Variants in DAB1 observed in about 807,000 individuals in gnomAD.
DAB1 encodes disabled homolog 1.
Under a neutral mutation model 64.6 loss-of-function variants are expected in DAB1, and 15 were observed. The observed-to-expected ratio is 0.23, with a 90% CI of 0.16 to 0.36. The LOEUF (loss-of-function observed/expected upper bound fraction) is 0.36, where lower values mean the gene tolerates loss of function less well. Ranked by LOEUF, DAB1 falls within the 10% of genes least tolerant of loss-of-function variation. The probability of loss-of-function intolerance (pLI) is 1.00; values close to 1 mark genes in which losing one functional copy is unlikely to be tolerated. For missense variants in DAB1, 596 were observed against 706.7 expected, an observed-to-expected ratio of 0.84 and a Z score of 1.78; for synonymous variants, 235 against 251.9, an observed-to-expected ratio of 0.93 and a Z score of 0.64.
chr1:58,428,923 G>A (rs915347244), intron 3 of DAB1, among the ~76,000 whole-genome samples: 10 of 152,208 alleles, frequency 6.6e-5, no homozygotes, highest in Non-Finnish European at 1.0e-4. Context: ...CCCTATGGGA[G>A]GGGTGCTGCT....
chr1:57,651,596 A>C (rs1357863357), intron 6 of DAB1, among the ~76,000 whole-genome samples: 2 of 152,142 alleles, frequency 1.3e-5, no homozygotes, highest in African/African-American at 4.8e-5. Flanking sequence ...GACCTCTCTA[A>C]GCCTCAGTTT....
At chr1:57,364,353 A>G (rs1378660477) in intron 1 of DAB1, among the ~76,000 whole-genome samples, 1 of 152,168 alleles carries the variant, frequency 6.6e-6, no homozygotes, top group Non-Finnish European at 1.5e-5. Context: ...ATTAAACAAA[A>G]CACTGTCAGA....
chr1:57,975,043 C>A (rs549719576), intron 5 of DAB1, among the ~76,000 whole-genome samples: 1 of 152,218 alleles, frequency 6.6e-6, no homozygotes, highest in Non-Finnish European at 1.5e-5. Flanking sequence ...GAAATCTTAA[C>A]CCCCAATATG....
chr1:57,204,758 T>C (rs539461011), intron 2 of DAB1, among the ~76,000 whole-genome samples: 2 of 152,336 alleles, frequency 1.3e-5, no homozygotes, highest in South Asian at 4.1e-4. Flanking sequence ...ACAACAAATA[T>C]AAGGTGAATT....
intron 6 of DAB1, among the ~76,000 whole-genome samples, chr1:57,701,996 T>C (rs1646913829): frequency 6.6e-6 from 1 of 152,198 alleles, no homozygotes; most frequent in Admixed American, 6.6e-5. Context: ...CTCGTTAGAG[T>C]TGGTCAATGG....
intron 6 of DAB1, among the ~76,000 whole-genome samples, chr1:57,792,967 G>C (rs1260960588): frequency 6.6e-6 from 1 of 152,194 alleles, no homozygotes; most frequent in East Asian, 1.9e-4. Context: ...TGTTACGCAT[G>C]ATTTTAAATA....
chr1:58,213,918 C>A (rs1270093697), intron 4 of DAB1, among the ~76,000 whole-genome samples: 3 of 152,148 alleles, frequency 2.0e-5, no homozygotes, highest in African/African-American at 7.2e-5. Context: ...TTAGGCCAAG[C>A]CATATCATCT....
At chr1:58,196,857 G>C (rs1270942735) in intron 4 of DAB1, among the ~76,000 whole-genome samples, 1 of 152,124 alleles carries the variant, frequency 6.6e-6, no homozygotes, top group Non-Finnish European at 1.5e-5. Flanking sequence ...GATTTGGGTG[G>C]GGACAAAGAG....
At chr1:57,524,655 A>G (rs566099390) in intron 7 of DAB1, among the ~76,000 whole-genome samples, 184 of 152,374 alleles carry the variant, frequency 1.2e-3, no homozygotes, top group Non-Finnish European at 1.4e-3. Flanking sequence ...GAAATTATAA[A>G]GAACCTTCTT....
chr1:58,025,228 A>G (rs1376296247), intron 5 of DAB1, among the ~76,000 whole-genome samples: 3 of 151,972 alleles, frequency 2.0e-5, no homozygotes, highest in Admixed American at 6.6e-5. Flanking sequence ...TCTAAATACA[A>G]TATCTTATGT....
rs1288138040 is a variant in DAB1 at position 56,996,322 on chromosome 1, C to A, written c.*1822G>T. On this transcript the variant is annotated 3_prime_UTR_variant, in exon 15 of 15. Coordinates refer to ENST00000371236, the MANE Select transcript of DAB1 (RefSeq NM_001365792.1). ...TAATCACATGAATCTTTAAAGTTTT[C>A]TTCTTAGTGTTAAAACACTTTCAAC... 6.6e-6 allele frequency: 1 copy of A among 152,104 alleles called. No individual in the cohort carries two copies. The highest frequency in any genetic ancestry group is 1.5e-5 in the Non-Finnish European group (1 of 68,028). 9.4% of individuals were successfully genotyped at this position (152,104 alleles called of 1,614,324 possible). A position where few individuals can be genotyped will look rare whatever the true frequency, so the allele number is the denominator to read the frequency against.
intron 4 of DAB1, among the ~76,000 whole-genome samples, chr1:58,310,670 AC>A (rs562174483): frequency 3.6e-4 from 55 of 151,900 alleles, no homozygotes; most frequent in Non-Finnish European, 5.6e-4. Flanking sequence ...GCCCATGGGG[AC>A]TCCGCTTATT....
intron 1 of DAB1, among the ~76,000 whole-genome samples, chr1:57,319,604 T>C (rs894979010): frequency 1.2e-4 from 18 of 152,286 alleles, no homozygotes; most frequent in Non-Finnish European, 1.8e-4. Context: ...TTTTCATTAG[T>C]GCATTGACAT....
At chr1:58,406,723 C>A (rs1016124011) in intron 3 of DAB1, among the ~76,000 whole-genome samples, 1 of 146,040 alleles carries the variant, frequency 6.8e-6, no homozygotes, top group African/African-American at 2.6e-5. Context: ...CCCCCCCCAA[C>A]TGCCACCATC....
At chr1:58,511,999 C>T (rs2100429425) in intron 2 of DAB1, among the ~76,000 whole-genome samples, 1 of 152,122 alleles carries the variant, frequency 6.6e-6, no homozygotes, top group African/African-American at 2.4e-5. Flanking sequence ...CATTTGTATA[C>T]CAAATAACTG....
rs191581775 is a variant in DAB1, at chr1:57,590,917, C to T, written n.625+58675G>A. Among the ~76,000 whole-genome samples the T allele has an allele frequency of 1.4e-3, 212 of 152,228 alleles. 1 individual carries two copies. Among genetic ancestry groups the T allele is most frequent in the African/African-American group, 4.5e-3 (185 of 41,536 alleles). ...TCTCATCCTAGATTCTGTTTTCTAA[C>T]CTGAATTTTCCATTTATGCAAAATT... is the stretch of plus-strand genomic sequence containing the variant. On this transcript the variant is annotated intron_variant and non_coding_transcript_variant, in intron 7 of 20. Coordinates refer to the DAB1 transcript ENST00000485760.
At chr1:58,095,554 T>A (rs1650927549) in intron 5 of DAB1, among the ~76,000 whole-genome samples, 1 of 152,174 alleles carries the variant, frequency 6.6e-6, no homozygotes, top group South Asian at 2.1e-4. Flanking sequence ...TATAATTTCC[T>A]GGAGGGCTGG....
intron 6 of DAB1, among the ~76,000 whole-genome samples, chr1:57,709,682 C>T (rs1647005099): frequency 6.6e-6 from 1 of 152,060 alleles, no homozygotes; most frequent in South Asian, 2.1e-4. Context: ...TATAGATGAG[C>T]TTGAGGAGGT....
chr1:58,017,871 T>C (rs956288455), intron 5 of DAB1, among the ~76,000 whole-genome samples: 4 of 152,196 alleles, frequency 2.6e-5, no homozygotes, highest in Non-Finnish European at 5.9e-5. Flanking sequence ...TATTGAGCTC[T>C]TAATAGCTCA....
Sources: allele counts gnomAD v4.1 joint callset (sites outside exome capture counted in the v4.1 genomes callset), GRCh38; gene constraint gnomAD v4.1.1; transcripts MANE v1.5; gene names NCBI Gene and HGNC (gene_info 2026-07-23, HGNC 2026-07-21).